The following NOX4 variants were observed in gnomAD, a reference collection of about 807,000 sequenced individuals.
NOX4 encodes NADPH oxidase 4, also known as kidney oxidase-1.
In NOX4, 69 loss-of-function variants were observed where a neutral mutation model predicts 87.6. The observed-to-expected ratio is 0.79, with a 90% CI of 0.65 to 0.96. The LOEUF (loss-of-function observed/expected upper bound fraction) is 0.96, where lower values mean the gene tolerates loss of function less well. Among genes scored for constraint, NOX4 ranks in the 40% least tolerant of loss-of-function variants. NOX4 has a pLI of 0.00. For synonymous variants in NOX4, 275 were observed against 238.2 expected (o/e 1.15, Z -1.42); for missense variants, 680 against 681.5 (o/e 1.00, Z 0.02).
At chr11:89,519,224 G>GT in the NOX4 span, among the ~76,000 whole-genome samples, 2 of 152,030 alleles carry the variant, frequency 1.3e-5, no homozygotes, top group South Asian at 2.1e-4. Context: ...ACTTCACATG[G>GT]TTTTCAGGGA....
At chr11:89,419,286 A>G (rs974246396) in intron 8 of NOX4, among the ~76,000 whole-genome samples, 1 of 152,106 alleles carries the variant, frequency 6.6e-6, no homozygotes, top group Non-Finnish European at 1.5e-5. Flanking sequence ...ATTTACTTTG[A>G]ACAATTGTAC....
At chr11:89,401,635 T>A (rs1462716388) in intron 9 of NOX4, among the ~76,000 whole-genome samples, 1 of 152,054 alleles carries the variant, frequency 6.6e-6, no homozygotes, top group African/African-American at 2.4e-5. Flanking sequence ...GGGCCCTTAT[T>A]GAACTAATCG....
chr11:89,589,463 C>G, the NOX4 span: 1 of 152,218 alleles, frequency 6.6e-6, no homozygotes, highest in African/African-American at 2.4e-5. Flanking sequence ...TGAATGCCAT[C>G]TCTTCGAATC....
chr11:89,337,075 T>G (rs543396397), intron 16 of NOX4, among the ~76,000 whole-genome samples: 130 of 152,182 alleles, frequency 8.5e-4, no homozygotes, highest in African/African-American at 2.9e-3. Flanking sequence ...GCTATCATTA[T>G]TTTTTAGTTT....
At chr11:89,371,165 T>C (rs1939414887) in intron 12 of NOX4, among the ~76,000 whole-genome samples, 1 of 152,000 alleles carries the variant, frequency 6.6e-6, no homozygotes, top group Non-Finnish European at 1.5e-5. Flanking sequence ...GTAATCTCAT[T>C]GTTGTAAGGC....
chr11:89,402,178 T>C (rs550163603), intron 9 of NOX4, 148 bp downstream of exon 9: 2 of 662,586 alleles, frequency 3.0e-6, no homozygotes, highest in African/African-American at 3.6e-5. Context: ...GTACCTGTAA[T>C]GGAATAATAG....
chr11:89,494,762 G>T (rs960869515), upstream of NOX4, among the ~76,000 whole-genome samples: 1 of 152,188 alleles, frequency 6.6e-6, no homozygotes, highest in Admixed American at 6.5e-5. Flanking sequence ...AACCCCACAG[G>T]TTAAACGATA....
At chr11:89,409,525 C>CTTTACATTTATAGAA (rs1942364489) in intron 8 of NOX4, among the ~76,000 whole-genome samples, 1 of 152,130 alleles carries the variant, frequency 6.6e-6, no homozygotes, top group Non-Finnish European at 1.5e-5. Context: ...AAATGTAAGG[C>CTTTACATTTATAGAA]ATCGTTAATG....
chr11:89,481,075 C>G (rs7925520), intron 2 of NOX4, among the ~76,000 whole-genome samples: 78,399 of 151,580 alleles, frequency 0.52, 23,095 homozygotes, highest in Non-Finnish European at 0.68. Context: ...TTCCTACTGA[C>G]GAGCAAACAT....
chr11:89,395,478 C>G (rs1239633697), intron 11 of NOX4, among the ~76,000 whole-genome samples: 1 of 152,116 alleles, frequency 6.6e-6, no homozygotes, highest in African/African-American at 2.4e-5. Flanking sequence ...ATGGTAGTTT[C>G]TTTTGCTGTG....
intron 2 of NOX4, among the ~76,000 whole-genome samples, chr11:89,458,571 C>A (rs982835100): frequency 7.9e-5 from 12 of 152,052 alleles, no homozygotes; most frequent in African/African-American, 2.9e-4. Flanking sequence ...AGACCTAGTA[C>A]ACAGATTCTG....
intron 11 of NOX4, among the ~76,000 whole-genome samples, chr11:89,394,624 G>A (rs143837825): frequency 1.1e-4 from 16 of 152,172 alleles, no homozygotes; most frequent in African/African-American, 3.9e-4. Flanking sequence ...TTTACATTAG[G>A]TATTTCTCCT....
At chr11:89,417,402 T>C (rs1231958773) in intron 8 of NOX4, among the ~76,000 whole-genome samples, 1 of 152,068 alleles carries the variant, frequency 6.6e-6, no homozygotes, top group African/African-American at 2.4e-5. Flanking sequence ...TCTTAGGAAT[T>C]GAATACCTTT....
At chr11:89,370,063 G>A (rs948003770) in intron 12 of NOX4, among the ~76,000 whole-genome samples, 3 of 151,834 alleles carry the variant, frequency 2.0e-5, no homozygotes, top group Non-Finnish European at 4.4e-5. Flanking sequence ...ACTCTTTTGT[G>A]GCCCAGTCCT....
At chr11:89,522,171 C>T in the NOX4 span, among the ~76,000 whole-genome samples, 9 of 152,270 alleles carry the variant, frequency 5.9e-5, no homozygotes, top group African/African-American at 7.2e-5. Context: ...AATCTCTTTG[C>T]TAGGTATATA....
At chr11:89,383,574 C>T (rs936148383) in intron 11 of NOX4, among the ~76,000 whole-genome samples, 2 of 152,156 alleles carry the variant, frequency 1.3e-5, no homozygotes, top group African/African-American at 4.8e-5. Flanking sequence ...ACCCACTCCA[C>T]ATTACCTTCT....
intron 2 of NOX4, among the ~76,000 whole-genome samples, chr11:89,454,192 C>G (rs1054545968): frequency 6.6e-6 from 1 of 151,940 alleles, no homozygotes; most frequent in Non-Finnish European, 1.5e-5. Context: ...ATGTTTTAAC[C>G]TTTTTCTCTA....
intron 6 of NOX4, among the ~76,000 whole-genome samples, chr11:89,440,008 T>G (rs1944387694): frequency 6.6e-6 from 1 of 152,114 alleles, no homozygotes; most frequent in Non-Finnish European, 1.5e-5. Context: ...TTCCAATACA[T>G]TGAGGGCAGG....
intron 2 of NOX4, among the ~76,000 whole-genome samples, chr11:89,461,093 G>A (rs1267150893): frequency 6.6e-6 from 1 of 152,040 alleles, no homozygotes; most frequent in Non-Finnish European, 1.5e-5. Flanking sequence ...TCACTCATAG[G>A]TGGGAATTGA....
Sources: allele counts gnomAD v4.1 joint callset (sites outside exome capture counted in the v4.1 genomes callset), GRCh38; gene constraint gnomAD v4.1.1; transcripts MANE v1.5; gene names NCBI Gene and HGNC (gene_info 2026-07-23, HGNC 2026-07-21).